Variants in KIAA0825 observed in about 807,000 individuals in gnomAD.
The protein encoded by KIAA0825 is uncharacterized protein KIAA0825.
A neutral mutation model predicts 147.6 loss-of-function variants in KIAA0825; 119 were observed. The observed-to-expected ratio is 0.81, with a 90% CI of 0.69 to 0.94. The LOEUF (loss-of-function observed/expected upper bound fraction) is 0.94. Among genes scored for constraint, KIAA0825 ranks in the 40% least tolerant of loss-of-function variants. KIAA0825 has a pLI of 0.00. For missense variants in KIAA0825, 1,381 were observed against 1,472.7 expected, an observed-to-expected ratio of 0.94 and a Z score of 1.02; for synonymous variants, 470 against 518.1, an observed-to-expected ratio of 0.91 and a Z score of 1.26.
chr5:94,472,227 T>C lies in KIAA0825; in HGVS notation c.1456-496A>G, dbSNP rs544662544. ...GAATCAGAAACAGTCTCATGTAGCA[T>C]CTTCTTATTGGTAGGGTGTCAGCAA... is the stretch of plus-strand genomic sequence containing the variant. On this transcript the variant is annotated intron_variant, in intron 8 of 20. Coordinates refer to ENST00000682413, the MANE Select transcript of KIAA0825 (RefSeq NM_001145678.3). 7.9e-5 allele frequency among the ~76,000 whole-genome samples: 12 copies of C among 152,318 alleles called. No homozygotes were observed. In the East Asian group the frequency reaches 2.3e-3, roughly 29 times the overall value.
At chr5:94,204,373 C>T (rs954320998) in intron 20 of KIAA0825, among the ~76,000 whole-genome samples, 20 of 151,996 alleles carry the variant, frequency 1.3e-4, no homozygotes, top group African/African-American at 4.8e-4. Context: ...ATAAAATTAC[C>T]CATTACTTGG....
intron 20 of KIAA0825, among the ~76,000 whole-genome samples, chr5:94,344,875 A>G (rs1262547796): frequency 6.6e-6 from 1 of 152,130 alleles, no homozygotes; most frequent in African/African-American, 2.4e-5. Flanking sequence ...AAATTCAGTG[A>G]CGGAAAATAG....
In KIAA0825 at chr5:94,324,006, A is replaced by G. The variant is rs576169950; in HGVS notation, c.3710+60362T>C. ...CTCAAGATAAGCCTCACCATTAAAG[A>G]GTTTTAATGAAGAGAGCCTTCAAAG... On this transcript the variant is annotated intron_variant, in intron 20 of 20. Transcript: ENST00000682413. Among the ~76,000 whole-genome samples, 9 of 152,172 alleles carry G rather than the reference A, an allele frequency of 5.9e-5. No individual in the cohort carries two copies. The South Asian group carries it at 1.2e-3, about 21-fold the overall frequency.
chr5:94,503,228 C>T (rs1214022755), intron 5 of KIAA0825, among the ~76,000 whole-genome samples: 1 of 151,912 alleles, frequency 6.6e-6, no homozygotes, highest in Non-Finnish European at 1.5e-5. Flanking sequence ...TAAATCTAGG[C>T]CCTTTTCACA....
At chr5:94,534,700 G>A (rs145049760) in intron 3 of KIAA0825, among the ~76,000 whole-genome samples, 6 of 151,814 alleles carry the variant, frequency 4.0e-5, no homozygotes, top group South Asian at 2.1e-4. Flanking sequence ...ATTTATTTTT[G>A]ACTAGGTTAG....
In KIAA0825 at chr5:94,471,480, C is replaced by T. The variant is rs1242598726; in HGVS notation, c.1707G>A (p.Lys569=). The T allele has an allele frequency of 1.9e-6, 3 of 1,551,684 alleles. No homozygotes were observed. The highest frequency in any genetic ancestry group is 2.7e-5 in the African/African-American group (2 of 73,020). The change falls in exon 9 of 21, where the codon AAG becomes AAA. Residue 569 remains lysine, a synonymous_variant. Transcript: ENST00000682413. ...ACAACACTCACTTTTTAGTCATTTC[C>T]TTCATCAAATTATCATATCGCTTGA... ...QHFKRYDNLM[K]EMTKKPIFLV... is the part of the protein sequence containing the mutation.
At chr5:94,252,645 C>T (rs1339205328) in intron 20 of KIAA0825, among the ~76,000 whole-genome samples, 2 of 151,828 alleles carry the variant, frequency 1.3e-5, no homozygotes, top group East Asian at 1.9e-4. Flanking sequence ...ACAGATATGC[C>T]TAGGACAAAA....
chr5:94,490,692 A>G (rs1344856191), intron 5 of KIAA0825, among the ~76,000 whole-genome samples: 1 of 152,078 alleles, frequency 6.6e-6, no homozygotes, highest in Admixed American at 6.5e-5. Context: ...GTAAATATAT[A>G]TATAGGTATT....
At chr5:94,399,791 G>A (rs1338926368) in intron 16 of KIAA0825, among the ~76,000 whole-genome samples, 2 of 151,948 alleles carry the variant, frequency 1.3e-5, no homozygotes, top group Non-Finnish European at 1.5e-5. Flanking sequence ...ATGTACTACT[G>A]TAATAATATA....
At chr5:94,343,130 C>T (rs1782604890) in intron 20 of KIAA0825, among the ~76,000 whole-genome samples, 1 of 152,026 alleles carries the variant, frequency 6.6e-6, no homozygotes, top group Admixed American at 6.6e-5. Context: ...CTTGGAAGAC[C>T]AAGCCAAGAT....
chr5:94,573,182 G>T (rs1206176317), intron 2 of KIAA0825, among the ~76,000 whole-genome samples: 1 of 151,744 alleles, frequency 6.6e-6, no homozygotes, highest in Non-Finnish European at 1.5e-5. Context: ...GTGACAATTG[G>T]TTGAGTTTGT....
At chr5:94,198,735 CG>C (rs1771384608) in intron 20 of KIAA0825, among the ~76,000 whole-genome samples, 1 of 152,102 alleles carries the variant, frequency 6.6e-6, no homozygotes, top group East Asian at 1.9e-4. Flanking sequence ...CCAACCGGTA[CG>C]TTCTGCACAT....
intron 20 of KIAA0825, among the ~76,000 whole-genome samples, chr5:94,211,304 C>CA (rs1256202890): frequency 6.6e-6 from 1 of 152,156 alleles, no homozygotes; most frequent in African/African-American, 2.4e-5. Flanking sequence ...ACCAATAACT[C>CA]AGATGCATGG....
chr5:94,170,064 T>C (rs965153683), intron 20 of KIAA0825, among the ~76,000 whole-genome samples: 6 of 150,948 alleles, frequency 4.0e-5, no homozygotes, highest in African/African-American at 1.5e-4. Flanking sequence ...GATTGGGAGG[T>C]CGAGGCGGGC....
chr5:94,529,254 GTATA>G (rs1317640129), intron 3 of KIAA0825, among the ~76,000 whole-genome samples: 17 of 123,240 alleles, frequency 1.4e-4, no homozygotes, highest in African/African-American at 5.1e-4. Context: ...ACATATATAT[GTATA>G]TATCATATAT....
chr5:94,336,432 C>T (rs919074024), intron 20 of KIAA0825, among the ~76,000 whole-genome samples: 7 of 141,758 alleles, frequency 4.9e-5, no homozygotes, highest in Non-Finnish European at 1.1e-4. Context: ...CCCAAACAGG[C>T]CCTAGTGTGT....
intron 3 of KIAA0825, among the ~76,000 whole-genome samples, chr5:94,529,271 G>GTATATATCATATATATTATATATCATATA (rs1561268093): frequency 2.3e-5 from 3 of 128,496 alleles, no homozygotes; most frequent in African/African-American, 1.0e-4. Flanking sequence ...TCATATATAT[G>GTATATATCATATATATTATATATCATATA]TATGTATCAT....
intron 20 of KIAA0825, among the ~76,000 whole-genome samples, chr5:94,284,605 A>G (rs1777588190): frequency 6.6e-6 from 1 of 152,076 alleles, no homozygotes; most frequent in Non-Finnish European, 1.5e-5. Context: ...TTATCATTCA[A>G]TTCTCTTCAC....
At chr5:94,163,255 T>A (rs550267391) in intron 20 of KIAA0825, among the ~76,000 whole-genome samples, 1 of 152,318 alleles carries the variant, frequency 6.6e-6, no homozygotes, top group South Asian at 2.1e-4. Context: ...CTTAGCAAAG[T>A]ACTTAATTTA....
Sources: gnomAD v4.1 joint callset for allele counts (sites outside exome capture counted in the v4.1 genomes callset) on GRCh38, gnomAD v4.1.1 for gene constraint, MANE v1.5 for transcripts, NCBI Gene and HGNC (gene_info 2026-07-23, HGNC 2026-07-21) for gene names.